RPL7: variants seen among roughly 807,000 people sequenced by gnomAD.
RPL7 encodes ribosomal protein L7.
For synonymous variants in RPL7, 100 were observed against 102.2 expected, an observed-to-expected ratio of 0.98 and a Z score of 0.13; for missense variants, 205 against 301.9, an observed-to-expected ratio of 0.68 and a Z score of 2.38.
chr8:73,292,413 C>G lies in RPL7; in HGVS notation c.124-8G>C, dbSNP rs749922922. On this transcript the variant is annotated splice_polypyrimidine_tract_variant and splice_region_variant and intron_variant, in intron 2 of 6. Coordinates refer to ENST00000352983, the MANE Select transcript of RPL7 (RefSeq NM_000971.4). ...CCTCCTTGCCTTTCGAAGCTGAAAA[C>G]CAATAATCAGTTATTCATAATTTTT... The G allele has an allele frequency of 3.1e-6, 5 of 1,591,726 alleles. No individual in the cohort carries two copies. Among genetic ancestry groups the G allele is most frequent in the East Asian group, 2.2e-5 (1 of 44,714 alleles).
chr8:73,291,412 T>C (rs974413098), intron 5 of RPL7, 140 bp downstream of exon 5: 20 of 848,670 alleles, frequency 2.4e-5, no homozygotes, highest in Non-Finnish European at 3.5e-5. Flanking sequence ...AATGAAACCA[T>C]GTCTTACGTT....
At chr8:73,291,704 A>G in intron 4 of RPL7, 43 bp from the exon 5 acceptor site, 1 of 1,591,174 alleles carries the variant, frequency 6.3e-7, no homozygotes, top group Non-Finnish European at 8.6e-7. Context: ...CCACTGTTAA[A>G]ACATCTAAAA....
chr8:73,291,718 AT>A, intron 4 of RPL7, 54 bp downstream of exon 4: 1 of 1,590,804 alleles, frequency 6.3e-7, no homozygotes, highest in African/African-American at 1.3e-5. Flanking sequence ...TCTAAAATTC[AT>A]GTTGCTACAT....
intron 1 of RPL7, 69 bp from the exon 2 acceptor site, chr8:73,292,866 G>T: frequency 8.8e-7 from 1 of 1,130,604 alleles, no homozygotes; most frequent in South Asian, 1.4e-5. Context: ...CTCCCGTACT[G>T]AGCAGTGTTG....
intron 3 of RPL7, 54 bp downstream of exon 3, chr8:73,292,185 A>G: frequency 7.6e-7 from 1 of 1,317,610 alleles, no homozygotes; most frequent in Non-Finnish European, 1.1e-6. Flanking sequence ...AAGTAATGTG[A>G]AGGTTTTTTT....
intron 3 of RPL7, 73 bp downstream of exon 3, chr8:73,292,166 G>A (rs572750532): frequency 2.8e-6 from 4 of 1,407,330 alleles, no homozygotes; most frequent in East Asian, 4.6e-5. Context: ...TCAGAATCAG[G>A]GCTCCCAGAA....
At chr8:73,291,711 A>G in intron 4 of RPL7, 50 bp from the exon 5 acceptor site, 1 of 1,591,032 alleles carries the variant, frequency 6.3e-7, no homozygotes, top group Non-Finnish European at 8.6e-7. Flanking sequence ...TAAAACATCT[A>G]AAATTCATGT....
chr8:73,293,934 T>G, upstream of RPL7: 6 of 308,500 alleles, frequency 1.9e-5, no homozygotes, highest in East Asian at 1.6e-4. Flanking sequence ...CCCCATAATG[T>G]TCCCAGGACG....
chr8:73,293,589 A>C lies in RPL7; in HGVS notation c.14+10T>G, dbSNP rs1396029182. Reference sequence around the variant, plus strand: ...GAGAAGGATTCTCAAGAGGACCAGAAGCAACTCACTCTACACCCTCCATGG... The same window carrying C: ...GAGAAGGATTCTCAAGAGGACCAGACGCAACTCACTCTACACCCTCCATGG... On this transcript the variant is annotated intron_variant, in intron 1 of 6. Transcript: ENST00000352983. 3.1e-6 allele frequency: 5 copies of C among 1,613,928 alleles called. No homozygotes were observed. The highest frequency in any genetic ancestry group is 3.3e-5 in the Admixed American group (2 of 60,010).
upstream of RPL7, chr8:73,293,641 C>A (rs757786641): frequency 1.2e-6 from 2 of 1,612,632 alleles, no homozygotes; most frequent in African/African-American, 2.7e-5. Flanking sequence ...AGGAAGTTGG[C>A]GCATGCGTAC....
At chr8:73,292,628 C>G (rs532599771) in intron 2 of RPL7, 61 bp downstream of exon 2, 2 of 1,267,614 alleles carry the variant, frequency 1.6e-6, no homozygotes, top group East Asian at 2.3e-5. Context: ...GAACATTCAC[C>G]TCATCCTCAA....
At chr8:73,292,891 T>G in intron 1 of RPL7, 94 bp from the exon 2 acceptor site, 6 of 872,294 alleles carry the variant, frequency 6.9e-6, no homozygotes, top group Non-Finnish European at 8.9e-6. Flanking sequence ...CCAGAAATGC[T>G]GTCACTGACT....
chr8:73,293,628 A>G lies in RPL7; in HGVS notation c.-16T>C, dbSNP rs1554579630. 1.2e-6 allele frequency: 2 copies of G among 1,613,800 alleles called. No individual in the cohort carries two copies. The highest frequency in any genetic ancestry group is 2.2e-5 in the South Asian group (2 of 91,018). On this transcript the variant is annotated 5_prime_UTR_variant, in exon 1 of 7. Coordinates refer to ENST00000352983, the MANE Select transcript of RPL7 (RefSeq NM_000971.4). ...CACCCTCCATGGTTCCAGCCGGAAA[A>G]AGAGGAAGTTGGCGCATGCGTACTG...
chr8:73,293,570 G>A (rs771622621), intron 1 of RPL7, 29 bp downstream of exon 1: 4 of 1,613,426 alleles, frequency 2.5e-6, no homozygotes, highest in Non-Finnish European at 2.5e-6. Flanking sequence ...GATGGAGAAG[G>A]ATTCTCAAGA....
In RPL7 at chr8:73,291,557, G is replaced by C; in HGVS notation, c.533C>G (p.Ser178Cys). ...TTCCCCCAAATAGAACCTACCAAGA[G>C]ATCGAGCAATCAAAGCGTTATCTGT... is the stretch of plus-strand genomic sequence containing the variant. ...ALTDNALIAR[S>C]LGKYGIICME... Residue 178 changes from serine to cysteine, a missense_variant, in exon 5 of 7, where the codon TCT becomes TGT. Ser to Cys is a moderately radical substitution (Grantham distance 112). Transcript: ENST00000352983. The C allele has an allele frequency of 6.3e-7, 1 of 1,591,282 alleles. No homozygotes were observed. Among genetic ancestry groups the C allele is most frequent in the Non-Finnish European group, 8.6e-7 (1 of 1,163,304 alleles).
chr8:73,291,322 T>C (rs1814089508), intron 5 of RPL7, 70 bp from the exon 6 acceptor site: 4 of 1,253,816 alleles, frequency 3.2e-6, no homozygotes, highest in African/African-American at 1.5e-5. Context: ...TCAAAATCTT[T>C]TTGAATAGGC....
At chr8:73,293,724 A>G, upstream of RPL7, 4 of 1,370,056 alleles carry the variant, frequency 2.9e-6, no homozygotes, top group Non-Finnish European at 4.0e-6. Context: ...AAAAGAATCC[A>G]GAACTAAAAA....
rs889818542 is a variant in RPL7 at position 73,291,150 on chromosome 8, G to C, written c.641C>G (p.Ser214Cys). 2 of 1,606,282 alleles carry C rather than the reference G, an allele frequency of 1.2e-6. No individual in the cohort carries two copies. Among genetic ancestry groups the C allele is most frequent in the African/African-American group, 2.7e-5 (2 of 74,682 alleles). ...ANNFLWPFKL[S>C]SPRGGMKKKT... ...TTTCTTCATTCCACCTCGTGGAGAAGACAATTTGAAGGGCCACAGGAAGTT... is the reference window on the plus strand; with the variant it reads ...TTTCTTCATTCCACCTCGTGGAGAACACAATTTGAAGGGCCACAGGAAGTT... The change falls in exon 6 of 7, where the codon TCT becomes TGT. Residue 214 changes from serine (S) to cysteine (C), a missense_variant. Transcript: ENST00000352983.
Position 73,291,808 on chromosome 8 carries a change from G to C in RPL7, c.393C>G (p.Asn131Lys). 6.2e-7 allele frequency: 1 copy of C among 1,610,732 alleles called. No individual in the cohort carries two copies. The highest frequency in any genetic ancestry group is 8.5e-7 in the Non-Finnish European group (1 of 1,177,048). ...TFVKLNKASI[N>K]MLRIVEPYIA... ...TATATGGCTCTACAATCCTCAGCATGTTAATCGAAGCCTTGTTGAGCTTCA... is the reference window on the plus strand; with the variant it reads ...TATATGGCTCTACAATCCTCAGCATCTTAATCGAAGCCTTGTTGAGCTTCA... The change falls in exon 4 of 7, where the codon AAC (asparagine) becomes AAG (lysine). Residue 131 changes from asparagine (N) to lysine (K), a missense_variant. Transcript: ENST00000352983.
Sources: allele counts gnomAD v4.1 joint callset, GRCh38; gene constraint gnomAD v4.1.1; transcripts MANE v1.5; gene names NCBI Gene and HGNC (gene_info 2026-07-23, HGNC 2026-07-21).